The following GCSH variants were observed in gnomAD, a reference collection of about 807,000 sequenced individuals.
GCSH encodes the protein glycine cleavage system protein H, also known as glycine cleavage system H protein, mitochondrial.
In GCSH, 15 loss-of-function variants were observed where a neutral mutation model predicts 21.3. The ratio of observed to expected loss-of-function variants is 0.70; its 90% CI spans 0.47 to 1.08. GCSH has a LOEUF of 1.08. Among genes scored for constraint, GCSH ranks in the 50% least tolerant of loss-of-function variants. GCSH has a pLI of 0.00. For synonymous variants in GCSH, 59 were observed against 84.5 expected (o/e 0.70, Z 1.66); for missense variants, 179 against 217.5 (o/e 0.82, Z 1.11).
chr16:81,089,582 C>T (rs1209829772), intron 2 of GCSH, among the ~76,000 whole-genome samples: 1 of 152,152 alleles, frequency 6.6e-6, no homozygotes, highest in Non-Finnish European at 1.5e-5. Flanking sequence ...CCCTAGGAGG[C>T]TCACAGAAGG....
intron 1 of GCSH, among the ~76,000 whole-genome samples, chr16:81,091,415 G>A (rs1972394827): frequency 6.6e-6 from 1 of 152,124 alleles, no homozygotes; most frequent in South Asian, 2.1e-4. Context: ...TTCAGCCCTC[G>A]ACTTACTGAG....
intron 3 of GCSH, among the ~76,000 whole-genome samples, chr16:81,084,950 C>T (rs1056593946): frequency 6.7e-6 from 1 of 148,534 alleles, no homozygotes; most frequent in African/African-American, 2.5e-5. Flanking sequence ...CTCCTGATGC[C>T]GTGATCCGCC....
intron 1 of GCSH, among the ~76,000 whole-genome samples, chr16:81,091,477 C>T (rs551643962): frequency 1.0e-3 from 152 of 152,130 alleles, no homozygotes; most frequent in African/African-American, 3.4e-3. Context: ...AAAGAAGGAC[C>T]GGCCAATGTT....
rs8177849 is a variant in GCSH, at chr16:81,095,985, A to G, written c.148+146T>C. ...AGCGGCCGCAGAGCCAGGGATCCCAACAGAAATAAGAAGGGGGCAGGGTCC... is the reference window on the plus strand; with the variant it reads ...AGCGGCCGCAGAGCCAGGGATCCCAGCAGAAATAAGAAGGGGGCAGGGTCC... On this transcript the variant is annotated intron_variant, in intron 1 of 4. Coordinates refer to ENST00000315467, the MANE Select transcript of GCSH (RefSeq NM_004483.5). 0.014 allele frequency: 9,163 copies of G among 643,960 alleles called. 236 individuals are homozygous for G. The highest frequency in any genetic ancestry group is 0.073 in the African/African-American group (3,859 of 53,082). 39.9% of individuals were successfully genotyped at this position (643,960 alleles called of 1,614,324 possible).
chr16:81,094,146 C>T (rs6564819), intron 1 of GCSH, among the ~76,000 whole-genome samples: 131,681 of 151,948 alleles, frequency 0.87, 57,577 homozygotes, highest in South Asian at 0.97. Context: ...GTGATCCGCC[C>T]GCCTCAGCCT....
intron 1 of GCSH, among the ~76,000 whole-genome samples, chr16:81,094,803 A>C (rs1330561384): frequency 2.0e-5 from 3 of 152,166 alleles, no homozygotes; most frequent in Non-Finnish European, 4.4e-5. Context: ...TTTGGGCGTA[A>C]AGAAAATTGT....
At position 81,082,151 on chromosome 16, in the gene GCSH, A is replaced by T. The variant is rs748649935; in HGVS notation, c.*715T>A. 2.2e-6 allele frequency: 1 copy of T among 454,128 alleles called. No homozygotes were observed. 28.1% of individuals were successfully genotyped at this position (454,128 alleles called of 1,614,324 possible). ...TTTTTTATTATGTTAAAGGTGACAG[A>T]TCTTGGCTTAAGAAAAACCAGATTT... On this transcript the variant is annotated 3_prime_UTR_variant, in exon 5 of 5. Transcript: ENST00000315467.
At chr16:81,095,629 T>TCCTCGGCCTCCCACAGTGCTGGGATTA (rs61361276) in intron 1 of GCSH, among the ~76,000 whole-genome samples, 6 of 150,354 alleles carry the variant, frequency 4.0e-5, no homozygotes, top group Admixed American at 2.6e-4. Context: ...TGATCCGCCC[T>TCCTCGGCCTCCCACAGTGCTGGGATTA]CCGGCATGAG....
intron 1 of GCSH, among the ~76,000 whole-genome samples, chr16:81,093,253 G>A (rs973464816): frequency 1.3e-5 from 2 of 151,868 alleles, no homozygotes; most frequent in African/African-American, 4.8e-5. Context: ...ACAAATCGCC[G>A]GTTATATGCC....
chr16:81,083,339 G>A (rs1180701929), intron 4 of GCSH: 2 of 254,534 alleles, frequency 7.9e-6, no homozygotes, highest in Non-Finnish European at 1.5e-5. Flanking sequence ...CCAACATAGT[G>A]GAACCCCATC....
In GCSH at chr16:81,090,671, A is replaced by T; in HGVS notation, c.158T>A (p.Phe53Tyr). ...TGTTACCCATTCGTGTTTCTCTGTG[A>T]ATTTACGCACTAAAACAGAAGACCA... ...TGPALLSVRK[F>Y]TEKHEWVTTE... Residue 53 changes from phenylalanine to tyrosine, a missense_variant, in exon 2 of 5, where the codon TTC (phenylalanine) becomes TAC (tyrosine). Physicochemically the swap from Phe to Tyr is conservative, Grantham distance 22. Coordinates refer to ENST00000315467, the MANE Select transcript of GCSH (RefSeq NM_004483.5). The T allele has an allele frequency of 1.9e-6, 3 of 1,610,946 alleles. No individual in the cohort carries two copies. The highest frequency in any genetic ancestry group is 2.5e-6 in the Non-Finnish European group (3 of 1,177,068).
chr16:81,090,760 A>G, intron 1 of GCSH, 80 bp from the exon 2 acceptor site: 2 of 963,646 alleles, frequency 2.1e-6, no homozygotes, highest in South Asian at 2.6e-5. Context: ...TGCTTTCAAA[A>G]GACTTTCCCA....
chr16:81,093,547 C>T (rs1401125316), intron 1 of GCSH, among the ~76,000 whole-genome samples: 1 of 151,994 alleles, frequency 6.6e-6, no homozygotes, highest in Non-Finnish European at 1.5e-5. Flanking sequence ...GGTAATGTTA[C>T]CCCTCAGTCC....
chr16:81,087,563 C>T, intron 3 of GCSH, 38 bp downstream of exon 3: 1 of 1,388,816 alleles, frequency 7.2e-7, no homozygotes, highest in East Asian at 2.3e-5. Context: ...AAACAAAATT[C>T]ATGGCATGGA....
chr16:81,087,767 G>T lies in GCSH; in HGVS notation c.229-103C>A. On this transcript the variant is annotated intron_variant, in intron 2 of 4. Transcript: ENST00000315467. ...CTGAATCCCCTATAATGAAGATTTAGTATATATTTTATACTGGAGGGGCTA... is the reference window on the plus strand; with the variant it reads ...CTGAATCCCCTATAATGAAGATTTATTATATATTTTATACTGGAGGGGCTA... 3 of 813,618 alleles carry T rather than the reference G, an allele frequency of 3.7e-6. No homozygotes were observed. The East Asian group carries it at 7.8e-5, about 21-fold the overall frequency. 50.4% of individuals were successfully genotyped at this position (813,618 alleles called of 1,614,324 possible). A position where few individuals can be genotyped will look rare whatever the true frequency, so the allele number is the denominator to read the frequency against.
chr16:81,088,150 G>T (rs1006186189), intron 2 of GCSH, among the ~76,000 whole-genome samples: 1 of 152,100 alleles, frequency 6.6e-6, no homozygotes, highest in East Asian at 1.9e-4. Flanking sequence ...ATGGCTGGGT[G>T]CGGTGGCTCA....
chr16:81,096,378 T>TGGAGGCGC lies in GCSH; in HGVS notation c.-108_-101dup, dbSNP rs1972513347. The TGGAGGCGC allele has an allele frequency of 9.6e-7, 1 of 1,041,386 alleles. No homozygotes were observed. Among genetic ancestry groups the TGGAGGCGC allele is most frequent in the Admixed American group, 4.3e-5 (1 of 23,028 alleles). 64.5% of individuals were successfully genotyped at this position (1,041,386 alleles called of 1,614,324 possible). A position where few individuals can be genotyped will look rare whatever the true frequency, so the allele number is the denominator to read the frequency against. ...TCGCGGCCGGAGGGAGCCGGCTGGA[T>TGGAGGCGC]GGAGGCGCGGAGGCGGTGCCGCGGG... On this transcript the variant is annotated 5_prime_UTR_variant, in exon 1 of 5. Coordinates refer to ENST00000315467, the MANE Select transcript of GCSH (RefSeq NM_004483.5).
chr16:81,096,363 A>G lies in GCSH; in HGVS notation c.-85T>C. ...GCGGGGAGGGGCAGTTCGCGGCCGG[A>G]GGGAGCCGGCTGGATGGAGGCGCGG... On this transcript the variant is annotated 5_prime_UTR_variant, in exon 1 of 5. Transcript: ENST00000315467. 1 of 1,141,384 alleles carries G rather than the reference A, an allele frequency of 8.8e-7. No individual in the cohort carries two copies. The highest frequency in any genetic ancestry group is 3.4e-5 in the East Asian group (1 of 29,616). The allele number at this position is 1,141,384 out of a possible 1,614,324, so 70.7% of individuals were successfully genotyped here. A position where few individuals can be genotyped will look rare whatever the true frequency, so the allele number is the denominator to read the frequency against.
rs1004471839 is a variant in GCSH, at chr16:81,092,607, G to C, written c.149-1927C>G. ...AAAATACAAAAATTAGCCAGGTGTG[G>C]TGGCACACTCCTGTAATGCCAGCGA... On this transcript the variant is annotated intron_variant, in intron 1 of 4. Coordinates refer to ENST00000315467, the MANE Select transcript of GCSH (RefSeq NM_004483.5). Among the ~76,000 whole-genome samples, 47 of 151,540 alleles carry C rather than the reference G, an allele frequency of 3.1e-4. 1 individual carries two copies. Among genetic ancestry groups the C allele is most frequent in the Non-Finnish European group, 2.9e-5 (2 of 67,950 alleles).
Sources: allele counts gnomAD v4.1 joint callset (sites outside exome capture counted in the v4.1 genomes callset), GRCh38; gene constraint gnomAD v4.1.1; transcripts MANE v1.5; gene names NCBI Gene and HGNC (gene_info 2026-07-23, HGNC 2026-07-21).